ANKRD30B: variants seen among roughly 807,000 people sequenced by gnomAD.
ANKRD30B encodes ankyrin repeat domain 30B, also known as ankyrin repeat domain-containing protein 30B.
ANKRD30B carries 144 observed loss-of-function variants against 202.2 expected under a neutral mutation model. That is an observed-to-expected ratio of 0.71 (90% CI 0.62 to 0.82). The LOEUF is 0.82. Ranked by LOEUF, ANKRD30B falls within the 40% of genes least tolerant of loss-of-function variation. The pLI, the probability that ANKRD30B is intolerant of heterozygous loss-of-function variation, is 0.00. For missense variants in ANKRD30B, 1,487 were observed against 1,669.1 expected, an observed-to-expected ratio of 0.89 and a Z score of 1.90; for synonymous variants, 508 against 561.3, an observed-to-expected ratio of 0.91 and a Z score of 1.34.
intron 22 of ANKRD30B, 87 bp downstream of exon 22, chr18:14,799,382 T>A: frequency 8.0e-7 from 1 of 1,255,402 alleles, no homozygotes; most frequent in South Asian, 1.7e-5. Flanking sequence ...CCAATGTTGT[T>A]TTCTTTTCAA....
the ANKRD30B span, among the ~76,000 whole-genome samples, chr18:14,919,530 AG>A: frequency 6.6e-6 from 1 of 152,198 alleles, no homozygotes; most frequent in Non-Finnish European, 1.5e-5. Context: ...ATGCTTGTCC[AG>A]GGCTCCAGCA....
the ANKRD30B span, among the ~76,000 whole-genome samples, chr18:14,871,845 A>G: frequency 6.6e-6 from 1 of 152,232 alleles, no homozygotes; most frequent in Non-Finnish European, 1.5e-5. Context: ...AAGTGTTGGG[A>G]TATTGAGAAT....
the ANKRD30B span, among the ~76,000 whole-genome samples, chr18:14,881,937 G>A: frequency 2.0e-5 from 3 of 152,008 alleles, no homozygotes; most frequent in Non-Finnish European, 4.4e-5. Flanking sequence ...TTTCAGTGGT[G>A]TCAGTTGTAA....
At chr18:14,819,136 G>C (rs1351067818) in intron 30 of ANKRD30B, among the ~76,000 whole-genome samples, 7 of 149,984 alleles carry the variant, frequency 4.7e-5, no homozygotes, top group African/African-American at 1.5e-4. Context: ...TTTTTCATGT[G>C]TTTTTTGGCT....
chr18:14,915,507 C>G, the ANKRD30B span: 2 of 152,176 alleles, frequency 1.3e-5, no homozygotes, highest in African/African-American at 4.8e-5. Context: ...CATTGCTGTT[C>G]CCCTCAGGGC....
the ANKRD30B span, among the ~76,000 whole-genome samples, chr18:14,896,423 G>A: frequency 1.1e-4 from 16 of 151,986 alleles, no homozygotes; most frequent in Non-Finnish European, 1.9e-4. Context: ...GAGCCACCGC[G>A]CCCGGCCTAT....
At chr18:14,908,765 G>T in the ANKRD30B span, among the ~76,000 whole-genome samples, 1 of 152,178 alleles carries the variant, frequency 6.6e-6, no homozygotes. Flanking sequence ...TGCTGGGAGA[G>T]AATTGCTGGA....
chr18:14,836,998 C>A (rs1278821813), intron 34 of ANKRD30B, among the ~76,000 whole-genome samples: 2 of 152,172 alleles, frequency 1.3e-5, no homozygotes, highest in East Asian at 3.9e-4. Context: ...TTTCACATAT[C>A]TCTACCATTT....
the ANKRD30B span, chr18:14,909,943 G>A: frequency 3.3e-5 from 5 of 152,054 alleles, no homozygotes; most frequent in Non-Finnish European, 7.3e-5. Flanking sequence ...AATCTAGTGT[G>A]GGGGAAGATG....
the ANKRD30B span, chr18:14,877,480 A>G: frequency 1.3e-5 from 2 of 151,786 alleles, no homozygotes; most frequent in African/African-American, 4.9e-5. Flanking sequence ...TTGTCATCAG[A>G]ATTCAATGAG....
the ANKRD30B span, among the ~76,000 whole-genome samples, chr18:14,878,659 C>G: frequency 6.6e-6 from 1 of 152,242 alleles, no homozygotes; most frequent in East Asian, 1.9e-4. Context: ...TATCCCAGCC[C>G]CCTTTCCCTC....
chr18:14,825,687 T>G (rs1970629262), intron 32 of ANKRD30B, among the ~76,000 whole-genome samples: 1 of 152,044 alleles, frequency 6.6e-6, no homozygotes, highest in South Asian at 2.1e-4. Flanking sequence ...TTTTAACCAC[T>G]TTGTCCGATC....
At position 14,772,195 on chromosome 18, in the gene ANKRD30B, A is replaced by G; in HGVS notation, c.1296A>G (p.Thr432=). Residue 432 remains threonine (T), a synonymous_variant, in exon 9 of 44, where the codon ACA becomes ACG. Coordinates refer to ENST00000690538, the MANE Select transcript of ANKRD30B (RefSeq NM_001367607.2). ...GTRTIENSQC[T]KVEEDFNLAT... The stretch of plus-strand genomic sequence containing the variant: ...GGACTATTGAAAATTCACAGTGTAC[A>G]AAAGTTGAGGAAGACTTTAATCTTG... The G allele has an allele frequency of 6.6e-7, 1 of 1,509,794 alleles. No homozygotes were observed. The allele number at this position is 1,509,794 out of a possible 1,614,324, so 93.5% of individuals were successfully genotyped here.
rs778048283 is a variant in ANKRD30B, at chr18:14,787,117, AT to A, written c.1734+24del. 5 of 1,590,300 alleles carry A rather than the reference AT, an allele frequency of 3.1e-6. No homozygotes were observed. The highest frequency in any genetic ancestry group is 2.3e-5 in the South Asian group (2 of 88,302). ...GATTCTGAGGTACTATGTGTTATTGATTTTTTTAAATATTAGTATTGCATGA... is the reference window on the plus strand; with the variant it reads ...GATTCTGAGGTACTATGTGTTATTGATTTTTTAAATATTAGTATTGCATGA... On this transcript the variant is annotated intron_variant, in intron 15 of 43. Coordinates refer to ENST00000690538, the MANE Select transcript of ANKRD30B (RefSeq NM_001367607.2).
At chr18:14,895,119 C>CTTTATGT in the ANKRD30B span, among the ~76,000 whole-genome samples, 64,396 of 147,396 alleles carry the variant, frequency 0.44, 15,001 homozygotes, top group East Asian at 0.6. Context: ...ATGGCAACAA[C>CTTTATGT]TGACACTGGG....
chr18:14,776,823 C>G (rs1158053232), intron 9 of ANKRD30B, among the ~76,000 whole-genome samples: 1 of 151,950 alleles, frequency 6.6e-6, no homozygotes, highest in Non-Finnish European at 1.5e-5. Context: ...TGAATCTTTC[C>G]TTTTATTCAA....
chr18:14,826,656 TTC>T (rs376160221), intron 32 of ANKRD30B, among the ~76,000 whole-genome samples: 4 of 131,438 alleles, frequency 3.0e-5, no homozygotes, highest in Non-Finnish European at 5.0e-5. Context: ...TCTGTATTGT[TTC>T]TCTCTCTCTC....
chr18:14,777,032 G>T (rs1475608668), intron 9 of ANKRD30B, among the ~76,000 whole-genome samples: 1 of 152,126 alleles, frequency 6.6e-6, no homozygotes, highest in African/African-American at 2.4e-5. Context: ...ATTGTGTTCT[G>T]GTTGAAATGC....
the ANKRD30B span, among the ~76,000 whole-genome samples, chr18:14,861,248 A>G: frequency 3.7e-4 from 56 of 152,358 alleles, no homozygotes; most frequent in African/African-American, 1.3e-3. Flanking sequence ...AGCTAACACT[A>G]TAAAAGGAAG....
Sources: gnomAD v4.1 joint callset for allele counts (sites outside exome capture counted in the v4.1 genomes callset) on GRCh38, gnomAD v4.1.1 for gene constraint, MANE v1.5 for transcripts, NCBI Gene and HGNC (gene_info 2026-07-23, HGNC 2026-07-21) for gene names.